ADCY8: variants seen among roughly 807,000 people sequenced by gnomAD.
The protein encoded by ADCY8 is adenylate cyclase type 8.
Under a neutral mutation model 119.7 loss-of-function variants are expected in ADCY8, and 51 were observed. The observed-to-expected ratio is 0.43, with a 90% CI of 0.34 to 0.54. The LOEUF (loss-of-function observed/expected upper bound fraction) is 0.54. ADCY8 is among the 20% of genes least tolerant of loss of function. ADCY8 has a pLI of 0.03. For missense variants in ADCY8, 1,383 were observed against 1,598.8 expected (o/e 0.87, Z 2.30); for synonymous variants, 665 against 651.0 (o/e 1.02, Z -0.33).
intron 8 of ADCY8, among the ~76,000 whole-genome samples, chr8:130,868,490 T>A (rs1047060625): frequency 1.3e-5 from 2 of 152,238 alleles, no homozygotes; most frequent in African/African-American, 4.8e-5. Context: ...TTGATGCCCT[T>A]CGTGTCTGCT....
At chr8:130,925,369 T>C (rs1820432303) in intron 5 of ADCY8, among the ~76,000 whole-genome samples, 1 of 152,228 alleles carries the variant, frequency 6.6e-6, no homozygotes, top group African/African-American at 2.4e-5. Context: ...CAATATTCTA[T>C]TAAAAATATT....
chr8:130,993,367 T>A (rs1001778859), intron 1 of ADCY8, among the ~76,000 whole-genome samples: 3 of 152,182 alleles, frequency 2.0e-5, no homozygotes, highest in African/African-American at 7.2e-5. Context: ...AGTGGTCTCT[T>A]TTAAAACAAT....
intron 9 of ADCY8, among the ~76,000 whole-genome samples, chr8:130,857,097 T>TGGGGGAG (rs1411557014): frequency 2.4e-5 from 1 of 41,704 alleles, no homozygotes; most frequent in Non-Finnish European, 5.0e-5. Context: ...ATTTGTGGGG[T>TGGGGGAG]GGGGGAGGGG....
chr8:130,803,230 C>T (rs1004703552), intron 14 of ADCY8, among the ~76,000 whole-genome samples: 1 of 152,196 alleles, frequency 6.6e-6, no homozygotes, highest in Non-Finnish European at 1.5e-5. Context: ...CTTCCTTTAC[C>T]AGGCTAACTC....
At chr8:131,022,890 A>G (rs1322467734) in intron 1 of ADCY8, among the ~76,000 whole-genome samples, 1 of 152,156 alleles carries the variant, frequency 6.6e-6, no homozygotes, top group Non-Finnish European at 1.5e-5. Context: ...GGAATGATGG[A>G]AGGAATATGA....
At chr8:130,868,329 GA>G (rs1818202070) in intron 8 of ADCY8, among the ~76,000 whole-genome samples, 1 of 151,834 alleles carries the variant, frequency 6.6e-6, no homozygotes, top group South Asian at 2.1e-4. Context: ...GGAACACAGG[GA>G]AATGTTTTAC....
At chr8:131,012,235 T>A (rs1181081795) in intron 1 of ADCY8, among the ~76,000 whole-genome samples, 1 of 152,122 alleles carries the variant, frequency 6.6e-6, no homozygotes, top group Non-Finnish European at 1.5e-5. Context: ...CTGGAATGGG[T>A]TCTTCTATGG....
intron 2 of ADCY8, among the ~76,000 whole-genome samples, chr8:130,989,442 A>G (rs570072159): frequency 6.9e-4 from 105 of 152,312 alleles, no homozygotes; most frequent in Non-Finnish European, 1.4e-3. Context: ...GCAAACTATT[A>G]TTGCCTAAAG....
At chr8:130,883,709 C>G (rs1183835121) in intron 8 of ADCY8, among the ~76,000 whole-genome samples, 1 of 152,174 alleles carries the variant, frequency 6.6e-6, no homozygotes, top group Non-Finnish European at 1.5e-5. Context: ...ACCTCTTATG[C>G]TCAGTCAAGG....
chr8:130,787,563 G>A (rs1563663949), intron 15 of ADCY8, among the ~76,000 whole-genome samples: 1 of 152,140 alleles, frequency 6.6e-6, no homozygotes, highest in Admixed American at 6.5e-5. Flanking sequence ...ACACATGTGG[G>A]CACATTTGTA....
intron 7 of ADCY8, among the ~76,000 whole-genome samples, chr8:130,895,163 A>G (rs1297843994): frequency 1.3e-5 from 2 of 152,180 alleles, no homozygotes; most frequent in Admixed American, 1.3e-4. Context: ...CTCATATTTA[A>G]AATATCATAC....
At chr8:130,876,360 T>C (rs1285571865) in intron 8 of ADCY8, among the ~76,000 whole-genome samples, 1 of 152,102 alleles carries the variant, frequency 6.6e-6, no homozygotes, top group African/African-American at 2.4e-5. Context: ...CGGGTTTGAT[T>C]GTTCTGGGAG....
intron 7 of ADCY8, among the ~76,000 whole-genome samples, chr8:130,895,217 CTTGT>C (rs1267027835): frequency 6.6e-6 from 1 of 152,030 alleles, no homozygotes; most frequent in African/African-American, 2.4e-5. Flanking sequence ...TTTATTGGGT[CTTGT>C]TTGTCAGCCC....
chr8:131,008,672 C>T (rs1022401732), intron 1 of ADCY8, among the ~76,000 whole-genome samples: 2 of 152,020 alleles, frequency 1.3e-5, no homozygotes, highest in African/African-American at 4.8e-5. Context: ...AAAATGTGGA[C>T]GTGACTTTGG....
intron 5 of ADCY8, among the ~76,000 whole-genome samples, chr8:130,911,812 T>C (rs1057380360): frequency 6.6e-6 from 1 of 151,432 alleles, no homozygotes; most frequent in Admixed American, 6.6e-5. Context: ...TAGATATGCA[T>C]ATCTTCATAT....
At chr8:130,945,324 T>C (rs916067251) in intron 3 of ADCY8, among the ~76,000 whole-genome samples, 3 of 152,202 alleles carry the variant, frequency 2.0e-5, no homozygotes, top group African/African-American at 4.8e-5. Flanking sequence ...ATGATGCCAA[T>C]AGATTTTCAG....
chr8:131,026,094 C>T (rs961065529), intron 1 of ADCY8, among the ~76,000 whole-genome samples: 10 of 152,192 alleles, frequency 6.6e-5, no homozygotes, highest in African/African-American at 2.4e-4. Context: ...AAGAATGTTG[C>T]TATGGTCTGA....
chr8:130,881,449 T>C (rs1016103635), intron 8 of ADCY8, among the ~76,000 whole-genome samples: 1 of 152,198 alleles, frequency 6.6e-6, no homozygotes, highest in African/African-American at 2.4e-5. Context: ...CGGGTTCCTA[T>C]ATTCATTTGT....
At chr8:130,861,824 ATT>A (rs1817940215) in intron 9 of ADCY8, among the ~76,000 whole-genome samples, 1 of 151,412 alleles carries the variant, frequency 6.6e-6, no homozygotes, top group Non-Finnish European at 1.5e-5. Context: ...TTTGGGAGAT[ATT>A]CTTTATCAAG....
Sources: allele counts gnomAD v4.1 joint callset (sites outside exome capture counted in the v4.1 genomes callset), GRCh38; gene constraint gnomAD v4.1.1; transcripts MANE v1.5; gene names NCBI Gene and HGNC (gene_info 2026-07-23, HGNC 2026-07-21).